MARCHF1: variants seen among roughly 807,000 people sequenced by gnomAD.
MARCHF1 encodes membrane associated ring-CH-type finger 1, also known as E3 ubiquitin-protein ligase MARCHF1.
Under a neutral mutation model 54.2 loss-of-function variants are expected in MARCHF1, and 40 were observed. That is an observed-to-expected ratio of 0.74 (90% CI 0.57 to 0.96). The LOEUF is 0.96. Among genes scored for constraint, MARCHF1 ranks in the 40% least tolerant of loss-of-function variants. The pLI, the probability that MARCHF1 is intolerant of heterozygous loss-of-function variation, is 0.00. For synonymous variants in MARCHF1, 236 were observed against 236.3 expected (o/e 1.00, Z 0.01); for missense variants, 586 against 656.5 (o/e 0.89, Z 1.17).
At chr4:163,896,062 C>A (rs1750799204) in intron 3 of MARCHF1, among the ~76,000 whole-genome samples, 1 of 152,148 alleles carries the variant, frequency 6.6e-6, no homozygotes, top group South Asian at 2.1e-4. Context: ...TAATAAAATA[C>A]CATGCGTAAC....
At chr4:164,374,607 A>T (rs2110968513) in intron 1 of MARCHF1, among the ~76,000 whole-genome samples, 1 of 152,280 alleles carries the variant, frequency 6.6e-6, no homozygotes, top group East Asian at 1.9e-4. Context: ...CTCTACCATG[A>T]ATGTCATAAG....
intron 3 of MARCHF1, among the ~76,000 whole-genome samples, chr4:163,955,353 A>G (rs902292865): frequency 3.3e-5 from 5 of 151,472 alleles, no homozygotes; most frequent in Non-Finnish European, 7.4e-5. Flanking sequence ...GAGGGAAAAA[A>G]AAAACAAAAA....
At chr4:163,883,824 T>C (rs148114255) in intron 3 of MARCHF1, among the ~76,000 whole-genome samples, 1 of 151,918 alleles carries the variant, frequency 6.6e-6, no homozygotes, top group Non-Finnish European at 1.5e-5. Flanking sequence ...TCAGACAATA[T>C]AACACCTCTT....
At chr4:163,837,040 A>T (rs1193922407) in intron 4 of MARCHF1, among the ~76,000 whole-genome samples, 1 of 152,234 alleles carries the variant, frequency 6.6e-6, no homozygotes, top group Non-Finnish European at 1.5e-5. Flanking sequence ...ATATAAGGCA[A>T]TTATCATATT....
intron 4 of MARCHF1, among the ~76,000 whole-genome samples, chr4:163,829,291 G>A (rs1486715839): frequency 6.6e-6 from 1 of 152,148 alleles, no homozygotes; most frequent in Non-Finnish European, 1.5e-5. Flanking sequence ...CTTGAAAAGG[G>A]CCGGATGGTA....
At position 164,094,004 on chromosome 4, in the gene MARCHF1, T is replaced by G. The variant is rs557328210; in HGVS notation, c.-248+17584A>C. Among the ~76,000 whole-genome samples the G allele has an allele frequency of 2.4e-4, 37 of 152,282 alleles. No homozygotes were observed. The South Asian group carries it at 7.7e-3, about 32-fold the overall frequency. On this transcript the variant is annotated intron_variant, in intron 2 of 9. Transcript: ENST00000514618. ...GTGTTATTTTTATCTGATTAGCACA[T>G]GTCCAAATTTCACCTCTCTAGGTTT...
intron 4 of MARCHF1, among the ~76,000 whole-genome samples, chr4:163,727,452 C>T (rs865934346): frequency 2.0e-5 from 3 of 151,890 alleles, no homozygotes; most frequent in Admixed American, 6.6e-5. Context: ...GGACTACAGG[C>T]GCATGCCGCC....
intron 2 of MARCHF1, among the ~76,000 whole-genome samples, chr4:164,079,949 T>TACC (rs1445653074): frequency 6.6e-6 from 1 of 152,190 alleles, no homozygotes; most frequent in African/African-American, 2.4e-5. Flanking sequence ...CAATAAACCA[T>TACC]ACCTCACTAT....
At chr4:163,722,781 A>T (rs1745517967) in intron 4 of MARCHF1, among the ~76,000 whole-genome samples, 2 of 152,116 alleles carry the variant, frequency 1.3e-5, no homozygotes, top group South Asian at 4.1e-4. Flanking sequence ...ACCATTATGT[A>T]ATGGCCTTGT....
intron 4 of MARCHF1, among the ~76,000 whole-genome samples, chr4:163,793,926 G>A (rs1318638302): frequency 6.6e-6 from 1 of 152,160 alleles, no homozygotes; most frequent in East Asian, 1.9e-4. Flanking sequence ...GAGTCTTGCC[G>A]AAGCTCCCGG....
rs1553988758 is a variant in MARCHF1 at position 163,527,661 on chromosome 4, A to AAACTG, written c.*1082_*1086dup. 2 of 149,718 alleles carry AAACTG rather than the reference A, an allele frequency of 1.3e-5. No homozygotes were observed. Among genetic ancestry groups the AAACTG allele is most frequent in the African/African-American group, 4.8e-5 (2 of 41,252 alleles). The allele number at this position is 149,718 out of a possible 1,614,324, so 9.3% of individuals were successfully genotyped here. On this transcript the variant is annotated 3_prime_UTR_variant, in exon 10 of 10. Transcript: ENST00000514618. ...TGACTTTGAAATAAAAGAATGAATT[A>AAACTG]AACTGTTTTGAAATACTCAACAACT...
At chr4:163,615,843 T>A (rs1245102644) in intron 5 of MARCHF1, among the ~76,000 whole-genome samples, 1 of 152,124 alleles carries the variant, frequency 6.6e-6, no homozygotes, top group Non-Finnish European at 1.5e-5. Flanking sequence ...AAATTCATAG[T>A]AATCAAAAGA....
At chr4:163,983,013 A>C (rs754386951) in intron 3 of MARCHF1, among the ~76,000 whole-genome samples, 5 of 152,230 alleles carry the variant, frequency 3.3e-5, no homozygotes, top group African/African-American at 4.8e-5. Flanking sequence ...CACATGACTG[A>C]GAATGGGGAG....
At chr4:164,166,946 A>ATCTT (rs1471750488) in intron 1 of MARCHF1, among the ~76,000 whole-genome samples, 1 of 151,370 alleles carries the variant, frequency 6.6e-6, no homozygotes, top group Admixed American at 6.6e-5. Context: ...AGATTTATAA[A>ATCTT]TCTTTATATT....
At chr4:163,674,394 C>A (rs995306310) in intron 5 of MARCHF1, among the ~76,000 whole-genome samples, 22 of 152,228 alleles carry the variant, frequency 1.4e-4, no homozygotes, top group Non-Finnish European at 2.5e-4. Flanking sequence ...GTGGAGCTGA[C>A]CAAACGGCAG....
At chr4:164,177,119 C>A (rs1268457588) in intron 1 of MARCHF1, among the ~76,000 whole-genome samples, 1 of 150,892 alleles carries the variant, frequency 6.6e-6, no homozygotes, top group Non-Finnish European at 1.5e-5. Context: ...TTAATAGTTT[C>A]AATCGTACTG....
intron 3 of MARCHF1, among the ~76,000 whole-genome samples, chr4:163,957,254 G>A (rs1044593192): frequency 3.3e-5 from 5 of 151,928 alleles, no homozygotes; most frequent in African/African-American, 1.2e-4. Context: ...TGTGACAAAT[G>A]TATTTTCAAA....
chr4:163,917,563 G>A (rs1221897626), intron 3 of MARCHF1, among the ~76,000 whole-genome samples: 1 of 152,074 alleles, frequency 6.6e-6, no homozygotes, highest in Non-Finnish European at 1.5e-5. Context: ...CTTTGGTGAG[G>A]TGTCTATTCA....
chr4:164,341,290 A>C (rs1028182612), intron 1 of MARCHF1, among the ~76,000 whole-genome samples: 2 of 149,688 alleles, frequency 1.3e-5, no homozygotes, highest in Non-Finnish European at 3.0e-5. Context: ...AAAAAAAAAA[A>C]CCCCAGCATA....
Sources: allele counts gnomAD v4.1 joint callset (sites outside exome capture counted in the v4.1 genomes callset), GRCh38; gene constraint gnomAD v4.1.1; transcripts MANE v1.5; gene names NCBI Gene and HGNC (gene_info 2026-07-23, HGNC 2026-07-21).